Variants in LARP4 observed in about 807,000 individuals in gnomAD.
LARP4 encodes the protein La ribonucleoprotein 4, also known as la-related protein 4.
A neutral mutation model predicts 92.9 loss-of-function variants in LARP4; 29 were observed. That is an observed-to-expected ratio of 0.31 (90% CI 0.23 to 0.43). The LOEUF is 0.43. Ranked by LOEUF, LARP4 falls within the 20% of genes least tolerant of loss-of-function variation. The pLI, the probability that LARP4 is intolerant of heterozygous loss-of-function variation, is 1.00. For synonymous variants in LARP4, 279 were observed against 284.1 expected (o/e 0.98, Z 0.18); for missense variants, 732 against 860.0 (o/e 0.85, Z 1.86).
At chr12:50,475,050 CT>C (rs1299955251) in intron 15 of LARP4, among the ~76,000 whole-genome samples, 13 of 152,162 alleles carry the variant, frequency 8.5e-5, no homozygotes, top group African/African-American at 3.1e-4. Flanking sequence ...GTGCTGAAGA[CT>C]TTACATGTTT....
chr12:50,443,707 G>A (rs1383318212), intron 8 of LARP4, among the ~76,000 whole-genome samples: 1 of 152,180 alleles, frequency 6.6e-6, no homozygotes, highest in Admixed American at 6.5e-5. Flanking sequence ...CACCTCCTGG[G>A]TTCAAGCGAT....
chr12:50,421,273 T>C (rs527482409), intron 1 of LARP4: 24 of 984,826 alleles, frequency 2.4e-5, no homozygotes, highest in Non-Finnish European at 2.9e-5. Flanking sequence ...TGTAATATGC[T>C]CTGGTTTGAA....
chr12:50,404,091 G>C (rs1472488918), intron 1 of LARP4, among the ~76,000 whole-genome samples: 2 of 152,084 alleles, frequency 1.3e-5, no homozygotes, highest in African/African-American at 4.8e-5. Context: ...GCCAGAGGTG[G>C]TGGCACACAC....
chr12:50,447,403 C>T (rs998559082), intron 8 of LARP4, among the ~76,000 whole-genome samples: 1 of 152,084 alleles, frequency 6.6e-6, no homozygotes, highest in Non-Finnish European at 1.5e-5. Flanking sequence ...ACTTGCAGGG[C>T]AAAAGCAGCC....
chr12:50,470,745 A>ACAC (rs1420244285), intron 13 of LARP4, among the ~76,000 whole-genome samples: 5 of 152,132 alleles, frequency 3.3e-5, no homozygotes, highest in African/African-American at 1.2e-4. Flanking sequence ...TAACCCCAAC[A>ACAC]CACAATTATG....
At chr12:50,469,583 G>A (rs1292661884) in intron 13 of LARP4, among the ~76,000 whole-genome samples, 7 of 122,520 alleles carry the variant, frequency 5.7e-5, no homozygotes, top group Admixed American at 3.3e-4. Flanking sequence ...CAGCCTGGGC[G>A]ACAGAGCGAG....
At chr12:50,451,496 A>G (rs1953181734) in intron 8 of LARP4, among the ~76,000 whole-genome samples, 1 of 152,024 alleles carries the variant, frequency 6.6e-6, no homozygotes, top group East Asian at 1.9e-4. Context: ...TCAGGAGTTC[A>G]AGACCAGCCT....
At chr12:50,464,272 T>C (rs1371224913) in intron 12 of LARP4, among the ~76,000 whole-genome samples, 1 of 152,188 alleles carries the variant, frequency 6.6e-6, no homozygotes, top group Non-Finnish European at 1.5e-5. Context: ...GGGGAGGCCT[T>C]GGGAAACTTA....
chr12:50,413,820 A>G (rs1269364247), intron 1 of LARP4, among the ~76,000 whole-genome samples: 2 of 152,356 alleles, frequency 1.3e-5, no homozygotes, highest in South Asian at 2.1e-4. Flanking sequence ...GCAGCAAATT[A>G]ACATTGATAC....
chr12:50,432,783 C>T (rs1949847454), intron 4 of LARP4, among the ~76,000 whole-genome samples: 1 of 148,570 alleles, frequency 6.7e-6, no homozygotes, highest in Non-Finnish European at 1.5e-5. Flanking sequence ...TCGCTTGAAC[C>T]CAGGAGGTGG....
intron 1 of LARP4, among the ~76,000 whole-genome samples, chr12:50,422,819 ATTATTATTATT>A (rs1457845321): frequency 1.4e-5 from 2 of 144,314 alleles, no homozygotes; most frequent in Non-Finnish European, 3.0e-5. Flanking sequence ...TATTATTATT[ATTATTATTATT>A]ATTTTTGAGA....
chr12:50,475,068 G>A (rs1957397613), intron 15 of LARP4, among the ~76,000 whole-genome samples: 1 of 152,142 alleles, frequency 6.6e-6, no homozygotes, highest in African/African-American at 2.4e-5. Flanking sequence ...GTTTTATTCT[G>A]TTCTCACAAT....
At chr12:50,423,772 A>G (rs1158002860) in intron 1 of LARP4, among the ~76,000 whole-genome samples, 2 of 137,784 alleles carry the variant, frequency 1.5e-5, no homozygotes, top group Non-Finnish European at 3.1e-5. Context: ...TTTTTTTTAG[A>G]CGGAGTCTTG....
chr12:50,459,817 C>T (rs1468718960), intron 10 of LARP4, among the ~76,000 whole-genome samples: 1 of 102,336 alleles, frequency 9.8e-6, no homozygotes, highest in Non-Finnish European at 2.0e-5. Flanking sequence ...AGCAAGACTC[C>T]GTATCAAAAA....
intron 15 of LARP4, among the ~76,000 whole-genome samples, chr12:50,474,658 T>C (rs1375298330): frequency 6.6e-6 from 1 of 152,198 alleles, no homozygotes; most frequent in East Asian, 1.9e-4. Flanking sequence ...ATTCTGTTTC[T>C]TTTGATTGCT....
chr12:50,408,186 G>GA (rs1491510006), intron 1 of LARP4, among the ~76,000 whole-genome samples: 1 of 65,510 alleles, frequency 1.5e-5, no homozygotes, highest in African/African-American at 4.8e-5. Context: ...AGGATTTTCT[G>GA]CTTTTTTTTT....
intron 12 of LARP4, among the ~76,000 whole-genome samples, chr12:50,464,170 A>G (rs1166737320): frequency 6.6e-6 from 1 of 152,176 alleles, no homozygotes; most frequent in Admixed American, 6.5e-5. Context: ...GAAATACTTG[A>G]GACTGGATAA....
At chr12:50,433,576 C>A (rs535609998) in intron 4 of LARP4, among the ~76,000 whole-genome samples, 30 of 151,726 alleles carry the variant, frequency 2.0e-4, no homozygotes, top group Admixed American at 5.9e-4. Context: ...ATTTAGGCTA[C>A]AGCTTTTTAG....
At chr12:50,436,662 A>AT (rs1950506361) in intron 5 of LARP4, among the ~76,000 whole-genome samples, 2 of 152,116 alleles carry the variant, frequency 1.3e-5, no homozygotes, top group South Asian at 4.1e-4. Context: ...TTTTTGCTGG[A>AT]TTTTGTGTCT....
Sources: allele counts gnomAD v4.1 joint callset (sites outside exome capture counted in the v4.1 genomes callset), GRCh38; gene constraint gnomAD v4.1.1; transcripts MANE v1.5; gene names NCBI Gene and HGNC (gene_info 2026-07-23, HGNC 2026-07-21).